The following SKAP1 variants were observed in gnomAD, a reference collection of about 807,000 sequenced individuals.
SKAP1 encodes the protein src kinase associated phosphoprotein 1, also known as src kinase-associated phosphoprotein 1.
SKAP1 carries 44 observed loss-of-function variants against 58.5 expected under a neutral mutation model. The observed-to-expected ratio is 0.75, with a 90% CI of 0.59 to 0.97. The LOEUF (loss-of-function observed/expected upper bound fraction) is 0.97. Ranked by LOEUF, SKAP1 falls within the 50% of genes least tolerant of loss-of-function variation. SKAP1 has a pLI of 0.00. For synonymous variants in SKAP1, 127 were observed against 149.7 expected (o/e 0.85, Z 1.11); for missense variants, 390 against 435.2 (o/e 0.90, Z 0.92).
chr17:48,228,896 T>C (rs1024428742), intron 4 of SKAP1, among the ~76,000 whole-genome samples: 2 of 152,184 alleles, frequency 1.3e-5, no homozygotes, highest in African/African-American at 4.8e-5. Context: ...AATAGAACCC[T>C]GTGGTTTGCT....
chr17:48,212,727 C>T (rs888241214), intron 4 of SKAP1, among the ~76,000 whole-genome samples: 1 of 152,200 alleles, frequency 6.6e-6, no homozygotes, highest in Admixed American at 6.5e-5. Context: ...AAAAGTAAAG[C>T]ACTGTATCTT....
intron 2 of SKAP1, among the ~76,000 whole-genome samples, chr17:48,391,209 C>T (rs764360674): frequency 2.0e-5 from 3 of 152,106 alleles, no homozygotes; most frequent in Non-Finnish European, 2.9e-5. Context: ...GGACTATGGT[C>T]ATTATTACAT....
chr17:48,140,778 C>T (rs1225982050), intron 11 of SKAP1, among the ~76,000 whole-genome samples: 2 of 138,078 alleles, frequency 1.4e-5, no homozygotes, highest in Non-Finnish European at 3.1e-5. Context: ...TCTTCTTCTT[C>T]TTTTTTTTTT....
intron 1 of SKAP1, among the ~76,000 whole-genome samples, chr17:48,399,612 A>T (rs1473918296): frequency 2.0e-5 from 3 of 152,040 alleles, no homozygotes; most frequent in Non-Finnish European, 2.9e-5. Flanking sequence ...GATAATTTTT[A>T]AAAAATTGGC....
chr17:48,156,503 C>A, intron 11 of SKAP1: 1 of 524,314 alleles, frequency 1.9e-6, no homozygotes. Context: ...ATCCTGGCTC[C>A]GGGGAGGAAG....
At chr17:48,231,258 A>G (rs1355598834) in intron 4 of SKAP1, among the ~76,000 whole-genome samples, 1 of 152,196 alleles carries the variant, frequency 6.6e-6, no homozygotes, top group African/African-American at 2.4e-5. Context: ...AGACTCCCTT[A>G]AATTATTCTA....
At chr17:48,335,252 C>T (rs550452040) in intron 4 of SKAP1, among the ~76,000 whole-genome samples, 1 of 151,998 alleles carries the variant, frequency 6.6e-6, no homozygotes, top group African/African-American at 2.4e-5. Context: ...AGGCAATCTA[C>T]CTTAACCATT....
chr17:48,193,039 T>A (rs1436106972), intron 4 of SKAP1, among the ~76,000 whole-genome samples: 2 of 152,270 alleles, frequency 1.3e-5, no homozygotes, highest in Admixed American at 1.3e-4. Flanking sequence ...GTTATGTTGC[T>A]TTCTTTCTTT....
intron 1 of SKAP1, among the ~76,000 whole-genome samples, chr17:48,411,900 A>T (rs1040904017): frequency 5.3e-5 from 8 of 152,240 alleles, no homozygotes; most frequent in African/African-American, 1.7e-4. Context: ...AGCCTAAACT[A>T]AACGAGGTAT....
chr17:48,231,172 C>G (rs1208677635), intron 4 of SKAP1, among the ~76,000 whole-genome samples: 1 of 152,168 alleles, frequency 6.6e-6, no homozygotes, highest in Non-Finnish European at 1.5e-5. Flanking sequence ...AAAGATACCT[C>G]TAGAGCCTTG....
In SKAP1 at chr17:48,162,881, T is replaced by A. The variant is rs183703363; in HGVS notation, c.878-312A>T. Among the ~76,000 whole-genome samples, 260 of 152,368 alleles carry A rather than the reference T, an allele frequency of 1.7e-3. 1 individual carries two copies. The highest frequency in any genetic ancestry group is 3.0e-3 in the Non-Finnish European group (201 of 68,038). On this transcript the variant is annotated intron_variant, in intron 10 of 12. Coordinates refer to ENST00000336915, the MANE Select transcript of SKAP1 (RefSeq NM_003726.4). ...TTTCACTTGGTTTGTAAGTAAGCAG[T>A]GCAGAGGTTTCCCGCCAGACTTTCC...
intron 4 of SKAP1, among the ~76,000 whole-genome samples, chr17:48,270,071 A>G (rs987245617): frequency 1.1e-4 from 17 of 152,168 alleles, no homozygotes; most frequent in African/African-American, 3.9e-4. Context: ...AGATGGCACC[A>G]CTGCACTCCA....
chr17:48,315,312 T>C (rs2066274045), intron 4 of SKAP1, among the ~76,000 whole-genome samples: 1 of 152,202 alleles, frequency 6.6e-6, no homozygotes, highest in Non-Finnish European at 1.5e-5. Flanking sequence ...AGATTCTTAA[T>C]GTGGTATCTG....
intron 4 of SKAP1, among the ~76,000 whole-genome samples, chr17:48,290,556 A>G (rs1487318240): frequency 6.6e-6 from 1 of 152,198 alleles, no homozygotes; most frequent in Non-Finnish European, 1.5e-5. Context: ...GGCAAATCTT[A>G]AGCTTTACAC....
At chr17:48,325,052 T>C (rs2144239800) in intron 4 of SKAP1, among the ~76,000 whole-genome samples, 1 of 152,044 alleles carries the variant, frequency 6.6e-6, no homozygotes, top group African/African-American at 2.4e-5. Flanking sequence ...ATCGAGACCA[T>C]CCTGGCTAAC....
At chr17:48,170,588 T>G (rs1385684806) in intron 10 of SKAP1, 21 bp downstream of exon 10, 2 of 1,607,590 alleles carry the variant, frequency 1.2e-6, no homozygotes, top group East Asian at 2.2e-5. Context: ...CCAGTGCCTG[T>G]GCATTTAGAA....
chr17:48,430,266 G>C, upstream of SKAP1: 1 of 512,194 alleles, frequency 2.0e-6, no homozygotes, highest in South Asian at 9.6e-5. Flanking sequence ...CGGGGCCGTG[G>C]GTCCCCGGGC....
intron 8 of SKAP1, among the ~76,000 whole-genome samples, chr17:48,181,440 C>T (rs2064368010): frequency 6.6e-6 from 1 of 152,060 alleles, no homozygotes; most frequent in South Asian, 2.1e-4. Context: ...TTCATGTTTG[C>T]CTAGTTCCAG....
rs367633270 is a variant in SKAP1 at position 48,188,470 on chromosome 17, T to C, written c.359-544A>G. Among the ~76,000 whole-genome samples the C allele has an allele frequency of 6.2e-4, 95 of 152,220 alleles. 1 individual carries two copies. The East Asian group carries it at 8.5e-3, about 14-fold the overall frequency. On this transcript the variant is annotated intron_variant, in intron 5 of 12. Coordinates refer to ENST00000336915, the MANE Select transcript of SKAP1 (RefSeq NM_003726.4). The stretch of plus-strand genomic sequence containing the variant: ...GGGAGGCTGAGATGGGAAGTATGCT[T>C]AAAGCCAGGAGTTTGAGACCAGCCT...
Sources: gnomAD v4.1 joint callset for allele counts (sites outside exome capture counted in the v4.1 genomes callset) on GRCh38, gnomAD v4.1.1 for gene constraint, MANE v1.5 for transcripts, NCBI Gene and HGNC (gene_info 2026-07-23, HGNC 2026-07-21) for gene names.